INPP4B: variants seen among roughly 807,000 people sequenced by gnomAD.
INPP4B encodes the protein inositol polyphosphate-4-phosphatase type II B, also known as inositol polyphosphate 4-phosphatase type II.
A neutral mutation model predicts 122.5 loss-of-function variants in INPP4B; 55 were observed. That is an observed-to-expected ratio of 0.45 (90% confidence interval 0.36 to 0.56). The LOEUF is 0.56. Among genes scored for constraint, INPP4B ranks in the 20% least tolerant of loss-of-function variants. INPP4B has a pLI of 0.00. For missense variants in INPP4B, 1,000 were observed against 1,097.7 expected (o/e 0.91, Z 1.26); for synonymous variants, 403 against 388.7 (o/e 1.04, Z -0.43).
intron 1 of INPP4B, among the ~76,000 whole-genome samples, chr4:142,804,139 A>G (rs1211512624): frequency 6.6e-6 from 1 of 152,072 alleles, no homozygotes; most frequent in East Asian, 1.9e-4. Flanking sequence ...TTCAAAAAGA[A>G]TAGCTCATCG....
chr4:142,638,895 G>C (rs1474311749), intron 2 of INPP4B, among the ~76,000 whole-genome samples: 1 of 152,140 alleles, frequency 6.6e-6, no homozygotes, highest in Non-Finnish European at 1.5e-5. Flanking sequence ...CATTAAGTAT[G>C]ATGCTGCCTA....
chr4:142,302,884 A>G (rs1762006263), intron 9 of INPP4B, among the ~76,000 whole-genome samples: 1 of 152,294 alleles, frequency 6.6e-6, no homozygotes, highest in South Asian at 2.1e-4. Context: ...AGACAATATT[A>G]TTAAAGAGAA....
At chr4:142,602,069 A>T (rs2874871) in intron 2 of INPP4B, among the ~76,000 whole-genome samples, 91,128 of 151,696 alleles carry the variant, frequency 0.6, 28,771 homozygotes, top group East Asian at 0.79. Flanking sequence ...AAGGATCTAC[A>T]TCTAGAGCAC....
At chr4:142,172,136 A>T (rs1449800435) in intron 16 of INPP4B, among the ~76,000 whole-genome samples, 3 of 151,950 alleles carry the variant, frequency 2.0e-5, no homozygotes, top group African/African-American at 7.2e-5. Flanking sequence ...TTACTAAGGC[A>T]TTTGTCTAAC....
chr4:142,328,952 T>A (rs1773448451), intron 7 of INPP4B, among the ~76,000 whole-genome samples: 1 of 152,172 alleles, frequency 6.6e-6, no homozygotes, highest in South Asian at 2.1e-4. Flanking sequence ...GATGTGATGA[T>A]TACCACAGAC....
intron 25 of INPP4B, among the ~76,000 whole-genome samples, chr4:142,064,715 T>C (rs892429561): frequency 1.3e-5 from 2 of 152,156 alleles, no homozygotes; most frequent in African/African-American, 4.8e-5. Context: ...ATAGAAAAAA[T>C]CTTTAGCACA....
At chr4:142,741,938 G>T (rs1767959701) in intron 1 of INPP4B, among the ~76,000 whole-genome samples, 1 of 151,832 alleles carries the variant, frequency 6.6e-6, no homozygotes, top group East Asian at 1.9e-4. Context: ...ACTAAAAAAA[G>T]AAGTTTCAAT....
At chr4:142,150,450 G>A (rs1410851582) in intron 17 of INPP4B, among the ~76,000 whole-genome samples, 2 of 152,196 alleles carry the variant, frequency 1.3e-5, no homozygotes, top group Non-Finnish European at 2.9e-5. Context: ...TATGAAGGAA[G>A]TAATGGGGAA....
chr4:142,400,671 G>A (rs546346804), intron 7 of INPP4B, among the ~76,000 whole-genome samples: 2 of 152,222 alleles, frequency 1.3e-5, no homozygotes, highest in African/African-American at 2.4e-5. Context: ...TGCAATCTGG[G>A]TGTATTTCTT....
chr4:142,830,022 C>G (rs1187371564), intron 1 of INPP4B, among the ~76,000 whole-genome samples: 2 of 152,060 alleles, frequency 1.3e-5, no homozygotes, highest in Admixed American at 1.3e-4. Context: ...GAGGACCTTT[C>G]TAGAGCAAAT....
rs532477989 is a variant in INPP4B at position 142,199,721 on chromosome 4, CA to C, written c.1073-6527del. Reference sequence around the variant, plus strand: ...ATCAGTTACTTTGTAGAATGTTCCTCAGCTTGGGTTTCTCTTATGGTTTGTC... The same window carrying C: ...ATCAGTTACTTTGTAGAATGTTCCTCGCTTGGGTTTCTCTTATGGTTTGTC... On this transcript the variant is annotated intron_variant, in intron 14 of 25. Coordinates refer to ENST00000262992, the MANE Select transcript of INPP4B (RefSeq NM_001101669.3). 2.1e-3 allele frequency among the ~76,000 whole-genome samples: 317 copies of C among 152,080 alleles called. 1 individual carries two copies. The highest frequency in any genetic ancestry group is 7.2e-3 in the African/African-American group (301 of 41,528).
chr4:142,625,574 T>C (rs1372253882), intron 2 of INPP4B, among the ~76,000 whole-genome samples: 1 of 152,034 alleles, frequency 6.6e-6, no homozygotes. Context: ...AATTTATAGA[T>C]TCAATGCCAT....
intron 2 of INPP4B, among the ~76,000 whole-genome samples, chr4:142,552,779 C>T (rs563150410): frequency 3.9e-5 from 6 of 152,232 alleles, no homozygotes; most frequent in Admixed American, 2.0e-4. Flanking sequence ...TAATTGTCAT[C>T]CCAATTTTAG....
chr4:142,144,348 C>T (rs1335763302), intron 18 of INPP4B, among the ~76,000 whole-genome samples: 1 of 151,504 alleles, frequency 6.6e-6, no homozygotes, highest in Non-Finnish European at 1.5e-5. Context: ...TAACAAAATC[C>T]AGTGTCCCTT....
intron 25 of INPP4B, among the ~76,000 whole-genome samples, chr4:142,055,192 C>T (rs1437182097): frequency 2.6e-5 from 4 of 151,960 alleles, no homozygotes; most frequent in African/African-American, 7.3e-5. Context: ...ACCAAGAACA[C>T]GCTTTTCAAT....
At chr4:142,798,884 A>T (rs1223222180) in intron 1 of INPP4B, among the ~76,000 whole-genome samples, 2 of 150,964 alleles carry the variant, frequency 1.3e-5, no homozygotes, top group Non-Finnish European at 3.0e-5. Context: ...AGTATACTAA[A>T]GTTATAGCCT....
chr4:142,811,538 C>T (rs1779515828), intron 1 of INPP4B, among the ~76,000 whole-genome samples: 1 of 152,168 alleles, frequency 6.6e-6, no homozygotes, highest in African/African-American at 2.4e-5. Flanking sequence ...TTATTGACAG[C>T]TTCCCAGAAA....
intron 25 of INPP4B, among the ~76,000 whole-genome samples, chr4:142,044,162 CGTTA>C (rs780658079): frequency 1.6e-3 from 247 of 152,082 alleles, no homozygotes; most frequent in Middle Eastern, 3.4e-3. Context: ...TGATGTATGA[CGTTA>C]GTTAGATATA....
intron 12 of INPP4B, among the ~76,000 whole-genome samples, chr4:142,230,686 T>C (rs1316537473): frequency 6.6e-6 from 1 of 151,598 alleles, no homozygotes; most frequent in Non-Finnish European, 1.5e-5. Flanking sequence ...CAAAATTGCC[T>C]TCCTTGGTGT....
Sources: gnomAD v4.1 joint callset for allele counts (sites outside exome capture counted in the v4.1 genomes callset) on GRCh38, gnomAD v4.1.1 for gene constraint, MANE v1.5 for transcripts, NCBI Gene and HGNC (gene_info 2026-07-23, HGNC 2026-07-21) for gene names.